PACRG: variants seen among roughly 807,000 people sequenced by gnomAD.
PACRG encodes parkin coregulated.
A neutral mutation model predicts 29.7 loss-of-function variants in PACRG; 29 were observed. The observed-to-expected ratio is 0.98, with a 90% CI of 0.73 to 1.33. PACRG has a LOEUF of 1.33. Ranked by LOEUF, PACRG falls within the 40% of genes most tolerant of loss-of-function variation. PACRG has a pLI of 0.00. For synonymous variants in PACRG, 116 were observed against 118.7 expected (o/e 0.98, Z 0.15); for missense variants, 279 against 316.2 (o/e 0.88, Z 0.89).
intron 2 of PACRG, among the ~76,000 whole-genome samples, chr6:162,923,064 G>C (rs1303967009): frequency 6.6e-6 from 1 of 152,094 alleles, no homozygotes; most frequent in African/African-American, 2.4e-5. Flanking sequence ...ATTGATGATA[G>C]ACATTCTAAC....
chr6:162,816,313 A>G (rs1392206601), intron 2 of PACRG, among the ~76,000 whole-genome samples: 1 of 152,154 alleles, frequency 6.6e-6, no homozygotes, highest in African/African-American at 2.4e-5. Context: ...TAATTGCATT[A>G]CTGTAACACT....
At chr6:162,978,638 T>C (rs1174815254) in intron 2 of PACRG, among the ~76,000 whole-genome samples, 1 of 152,204 alleles carries the variant, frequency 6.6e-6, no homozygotes, top group East Asian at 1.9e-4. Flanking sequence ...ACTTATTTTA[T>C]TCAGCATTTT....
intron 4 of PACRG, among the ~76,000 whole-genome samples, chr6:163,129,349 G>T (rs777413938): frequency 6.6e-6 from 1 of 152,214 alleles, no homozygotes; most frequent in Non-Finnish European, 1.5e-5. Context: ...GGTTTCTTGT[G>T]ACTTCATCCA....
intron 4 of PACRG, among the ~76,000 whole-genome samples, chr6:163,269,998 AGAAAGAAAGGAG>A (rs1188806291): frequency 3.4e-4 from 38 of 112,292 alleles, no homozygotes; most frequent in South Asian, 1.3e-3. Context: ...AAAGAAAGAA[AGAAAGAAAGGAG>A]GGAGGGAGGG....
intron 2 of PACRG, among the ~76,000 whole-genome samples, chr6:162,996,224 C>T (rs1160659314): frequency 6.6e-6 from 1 of 152,040 alleles, no homozygotes; most frequent in Non-Finnish European, 1.5e-5. Flanking sequence ...GTGATCATTT[C>T]ACAGTGTACA....
chr6:163,026,460 A>C (rs2128224618), intron 2 of PACRG, among the ~76,000 whole-genome samples: 1 of 152,378 alleles, frequency 6.6e-6, no homozygotes. Flanking sequence ...ATTTCTAATA[A>C]TAAAAAGCAA....
chr6:162,896,398 A>G (rs563578836), intron 2 of PACRG, among the ~76,000 whole-genome samples: 1 of 152,344 alleles, frequency 6.6e-6, no homozygotes. Flanking sequence ...CTGACTTACC[A>G]GGAGTTATTA....
At chr6:162,827,839 C>G (rs1026793835) in intron 2 of PACRG, among the ~76,000 whole-genome samples, 38 of 152,112 alleles carry the variant, frequency 2.5e-4, no homozygotes, top group African/African-American at 8.4e-4. Context: ...TGGCTCAGCT[C>G]TTACAGTCTC....
At chr6:162,902,397 T>C (rs998834585) in intron 2 of PACRG, among the ~76,000 whole-genome samples, 4 of 152,222 alleles carry the variant, frequency 2.6e-5, no homozygotes, top group Non-Finnish European at 4.4e-5. Flanking sequence ...TAAAATACTA[T>C]AGTTTACTTT....
intron 4 of PACRG, among the ~76,000 whole-genome samples, chr6:163,154,004 C>T (rs973113000): frequency 1.3e-5 from 2 of 152,134 alleles, no homozygotes; most frequent in African/African-American, 2.4e-5. Context: ...GATTTTGCAC[C>T]AGCGATCATA....
At chr6:163,242,005 T>C (rs1782527049) in intron 4 of PACRG, among the ~76,000 whole-genome samples, 1 of 152,208 alleles carries the variant, frequency 6.6e-6, no homozygotes, top group South Asian at 2.1e-4. Context: ...ATTGCTTTTA[T>C]CCAAGTTAAA....
In PACRG at chr6:163,055,809, A is replaced by T. The variant is rs1468425798; in HGVS notation, c.292-6341A>T. Among the ~76,000 whole-genome samples, 2 of 152,114 alleles carry T rather than the reference A, an allele frequency of 1.3e-5. No homozygotes were observed. The highest frequency in any genetic ancestry group is 1.5e-5 in the Non-Finnish European group (1 of 68,004). ...AGTTCCAGAACTTTTTCATCACCCC[A>T]CATGGAAACCCCATGCCCAATAAGC... On this transcript the variant is annotated intron_variant, in intron 2 of 4. Coordinates refer to ENST00000366888, the MANE Select transcript of PACRG (RefSeq NM_001080379.2). This position sits in a 1 kb window ranked among gnomAD's most constrained non-coding sequence, Gnocchi z 4.0.
chr6:162,754,521 T>C (rs1293761827), intron 1 of PACRG, among the ~76,000 whole-genome samples: 1 of 152,166 alleles, frequency 6.6e-6, no homozygotes, highest in African/African-American at 2.4e-5. Flanking sequence ...CTTTTGGAGT[T>C]ATATCCAAAA....
chr6:163,272,630 T>G (rs1016891913), intron 4 of PACRG, among the ~76,000 whole-genome samples: 3 of 152,290 alleles, frequency 2.0e-5, no homozygotes, highest in African/African-American at 7.2e-5. Context: ...AGCATATTTA[T>G]GATATGTCTC....
At chr6:162,921,235 C>T (rs1188372436) in intron 2 of PACRG, among the ~76,000 whole-genome samples, 1 of 152,088 alleles carries the variant, frequency 6.6e-6, no homozygotes, top group Non-Finnish European at 1.5e-5. Flanking sequence ...AGGGAAGAGG[C>T]GGCCGGATCC....
chr6:163,230,020 C>T (rs1158461399), intron 4 of PACRG, among the ~76,000 whole-genome samples: 1 of 152,184 alleles, frequency 6.6e-6, no homozygotes, highest in Non-Finnish European at 1.5e-5. Context: ...CCATTGTTGA[C>T]ATTCTCTACA....
At chr6:163,211,962 AGAAGAGTGAG>A (rs1435164132) in intron 4 of PACRG, among the ~76,000 whole-genome samples, 1 of 152,142 alleles carries the variant, frequency 6.6e-6, no homozygotes, top group East Asian at 1.9e-4. Flanking sequence ...TCAGGGCCTA[AGAAGAGTGAG>A]GAAGACATCT....
At chr6:162,827,112 A>G (rs1361655581) in intron 2 of PACRG, among the ~76,000 whole-genome samples, 1 of 152,160 alleles carries the variant, frequency 6.6e-6, no homozygotes, top group Admixed American at 6.5e-5. Context: ...AAAAGACTTC[A>G]TTTACATAAA....
At chr6:163,119,547 A>T (rs1221829705) in intron 4 of PACRG, among the ~76,000 whole-genome samples, 1 of 152,194 alleles carries the variant, frequency 6.6e-6, no homozygotes, top group Non-Finnish European at 1.5e-5. Flanking sequence ...GTCATGCAGG[A>T]GTTGCTCAGC....
Sources: gnomAD v4.1 joint callset for allele counts (sites outside exome capture counted in the v4.1 genomes callset) on GRCh38, gnomAD v4.1.1 for gene constraint, Gnocchi (gnomAD v3.1) non-coding constraint, MANE v1.5 for transcripts, NCBI Gene and HGNC (gene_info 2026-07-23, HGNC 2026-07-21) for gene names.